Variants in EBF3 observed in about 807,000 individuals in gnomAD.
The protein encoded by EBF3 is transcription factor COE3.
In EBF3, 18 loss-of-function variants were observed where a neutral mutation model predicts 77.1. The ratio of observed to expected loss-of-function variants is 0.23; its 90% CI spans 0.16 to 0.35. The LOEUF (loss-of-function observed/expected upper bound fraction) is 0.35, where lower values mean the gene tolerates loss of function less well. Ranked by LOEUF, EBF3 falls within the 10% of genes least tolerant of loss-of-function variation. The pLI, the probability that EBF3 is intolerant of heterozygous loss-of-function variation, is 1.00. For synonymous variants in EBF3, 350 were observed against 343.5 expected, an observed-to-expected ratio of 1.02 and a Z score of -0.21; for missense variants, 558 against 860.0, an observed-to-expected ratio of 0.65 and a Z score of 4.39.
intron 10 of EBF3, among the ~76,000 whole-genome samples, chr10:129,851,808 T>G (rs1276153577): frequency 6.6e-6 from 1 of 152,250 alleles, no homozygotes; most frequent in East Asian, 1.9e-4. Context: ...GTGAAATATC[T>G]CTTTATTAAC....
chr10:129,892,175 A>G (rs998195308), intron 6 of EBF3, among the ~76,000 whole-genome samples: 1 of 152,220 alleles, frequency 6.6e-6, no homozygotes. Flanking sequence ...CCAGGCTCCA[A>G]CTGATGAGTA....
chr10:129,877,649 G>T, intron 7 of EBF3, 119 bp downstream of exon 7: 1 of 759,788 alleles, frequency 1.3e-6, no homozygotes, highest in Non-Finnish European at 2.2e-6. Flanking sequence ...ACCAATTCCA[G>T]TTTGCTTCCA....
intron 10 of EBF3, among the ~76,000 whole-genome samples, chr10:129,859,315 G>A (rs1040356660): frequency 1.2e-4 from 19 of 152,160 alleles, no homozygotes; most frequent in South Asian, 2.1e-4. Context: ...TCCGCCTCCC[G>A]GGTTCAAGAG....
intron 6 of EBF3, among the ~76,000 whole-genome samples, chr10:129,946,763 C>A (rs570981889): frequency 6.6e-6 from 1 of 152,362 alleles, no homozygotes; most frequent in Admixed American, 6.5e-5. Context: ...TTGAGCCACA[C>A]AAAGGTGCAC....
chr10:129,860,332 A>G (rs1851529898), intron 10 of EBF3, among the ~76,000 whole-genome samples: 1 of 151,876 alleles, frequency 6.6e-6, no homozygotes, highest in South Asian at 2.1e-4. Flanking sequence ...GGGGCTTAAC[A>G]GGAAGAGGGC....
At chr10:129,956,865 C>T (rs1021572857) in intron 6 of EBF3, among the ~76,000 whole-genome samples, 1 of 152,186 alleles carries the variant, frequency 6.6e-6, no homozygotes, top group South Asian at 2.1e-4. Flanking sequence ...AGTAACATCA[C>T]CCAAGTCTCA....
intron 6 of EBF3, among the ~76,000 whole-genome samples, chr10:129,919,427 C>T (rs1051697047): frequency 6.6e-6 from 1 of 152,102 alleles, no homozygotes; most frequent in African/African-American, 2.4e-5. Context: ...AGATAGCGAG[C>T]TTCTCTCTTC....
At chr10:129,901,286 G>A (rs1173614078) in intron 6 of EBF3, among the ~76,000 whole-genome samples, 1 of 152,156 alleles carries the variant, frequency 6.6e-6, no homozygotes, top group Non-Finnish European at 1.5e-5. Context: ...TTATTTGCAG[G>A]CCAGAGGAAT....
At chr10:129,865,968 C>T (rs879721336) in intron 10 of EBF3, among the ~76,000 whole-genome samples, 3 of 152,212 alleles carry the variant, frequency 2.0e-5, no homozygotes, top group Non-Finnish European at 4.4e-5. Flanking sequence ...AGCCACTGCA[C>T]ATGCAGGTCA....
intron 6 of EBF3, among the ~76,000 whole-genome samples, chr10:129,910,286 G>T (rs1354127670): frequency 6.6e-6 from 1 of 152,138 alleles, no homozygotes; most frequent in African/African-American, 2.4e-5. Flanking sequence ...GCCAGTACGG[G>T]GCCTGAAAGA....
chr10:129,846,526 T>TA (rs1275401689), intron 11 of EBF3, among the ~76,000 whole-genome samples: 4 of 151,686 alleles, frequency 2.6e-5, no homozygotes, highest in African/African-American at 4.8e-5. Flanking sequence ...TTGTGACACT[T>TA]ACGGCTGATT....
rs1286637018 is a variant in EBF3 at position 129,840,953 on chromosome 10, G to T, written c.1452C>A (p.Asn484Lys). ...PSSTPQQSNY[N>K]TVSTSMNGYG... is the part of the protein sequence containing the mutation. ...ATCCATTCATGCTAGTGCTGACTGT[G>T]TTGTAATTGGACTGCTGGGGAGTAC... Residue 484 changes from asparagine to lysine, a missense_variant, in exon 14 of 17, where the codon AAC becomes AAA. Transcript: ENST00000440978. 1 of 1,613,566 alleles carries T rather than the reference G, an allele frequency of 6.2e-7. No homozygotes were observed. The highest frequency in any genetic ancestry group is 8.5e-7 in the Non-Finnish European group (1 of 1,179,930).
In EBF3 at chr10:129,842,228, G is replaced by A. The variant is rs1291201811; in HGVS notation, c.1260C>T (p.Asn420=). 6.2e-7 allele frequency: 1 copy of A among 1,614,126 alleles called. No homozygotes were observed. Among genetic ancestry groups the A allele is most frequent in the African/African-American group, 1.3e-5 (1 of 75,060 alleles). The change falls in exon 13 of 17, where the codon AAC becomes AAT. Residue 420 remains asparagine, a synonymous_variant. Coordinates refer to ENST00000440978, the MANE Select transcript of EBF3 (RefSeq NM_001375380.1). This position sits in a 1 kb window ranked among gnomAD's most constrained non-coding sequence, Gnocchi z 4.4. ...EALYSVPRNH[N]QIPTLGNNPA... ...GGTTGTTGCCCAGGGTGGGGATCTG[G>A]TTGTGATTGCGGGGAACGCTGTACA...
At chr10:129,856,717 G>A (rs909564410) in intron 10 of EBF3, among the ~76,000 whole-genome samples, 6 of 152,226 alleles carry the variant, frequency 3.9e-5, no homozygotes, top group East Asian at 1.9e-4. Context: ...TAGTGGACAC[G>A]GGGTTCCTTT....
chr10:129,923,110 C>T (rs548260030), intron 6 of EBF3, among the ~76,000 whole-genome samples: 63 of 152,304 alleles, frequency 4.1e-4, no homozygotes, highest in Middle Eastern at 3.4e-3. Flanking sequence ...CTGTTGATAA[C>T]GGCAGCAACA....
chr10:129,847,667 C>T (rs1353037974), intron 11 of EBF3, among the ~76,000 whole-genome samples: 6 of 152,134 alleles, frequency 3.9e-5, no homozygotes, highest in African/African-American at 7.2e-5. Context: ...TTTCATTTTG[C>T]ATTTTCAACT....
At chr10:129,886,679 G>A (rs1484341949) in intron 6 of EBF3, among the ~76,000 whole-genome samples, 1 of 152,074 alleles carries the variant, frequency 6.6e-6, no homozygotes, top group Non-Finnish European at 1.5e-5. Flanking sequence ...TTTGCAGGTC[G>A]TCATTGTCTC....
At position 129,885,927 on chromosome 10, in the gene EBF3, G is replaced by C. The variant is rs1399495821; in HGVS notation, c.555-8078C>G. ...CCACCATACGCGTGTGTGTTTTTAG[G>C]GATCTGAAGATCACGGGAATGCTTC... On this transcript the variant is annotated intron_variant, in intron 6 of 16. Transcript: ENST00000440978. The surrounding 1 kb of genome is among the most constrained non-coding windows in gnomAD (Gnocchi z 4.0). Among the ~76,000 whole-genome samples, 1 of 152,112 alleles carries C rather than the reference G, an allele frequency of 6.6e-6. No individual in the cohort carries two copies. The highest frequency in any genetic ancestry group is 1.5e-5 in the Non-Finnish European group (1 of 68,016).
At position 129,837,437 on chromosome 10, in the gene EBF3, C is replaced by A. The variant is rs1376992269; in HGVS notation, c.*506G>T. 6.6e-6 allele frequency: 1 copy of A among 152,010 alleles called. No homozygotes were observed. The highest frequency in any genetic ancestry group is 6.6e-5 in the Admixed American group (1 of 15,176). 9.4% of individuals were successfully genotyped at this position (152,010 alleles called of 1,614,324 possible). A position where few individuals can be genotyped will look rare whatever the true frequency, so the allele number is the denominator to read the frequency against. On this transcript the variant is annotated 3_prime_UTR_variant, in exon 17 of 17. Transcript: ENST00000440978. ...CTTTTTTCCAGTCTGATGGCTCATA[C>A]CTCCTTGGCCCTCTTTTTATCACCA...
Sources: allele counts gnomAD v4.1 joint callset (sites outside exome capture counted in the v4.1 genomes callset), GRCh38; gene constraint gnomAD v4.1.1; non-coding constraint Gnocchi (gnomAD v3.1); transcripts MANE v1.5; gene names NCBI Gene and HGNC (gene_info 2026-07-23, HGNC 2026-07-21).